Variants in INVS observed in about 807,000 individuals in gnomAD.
The protein encoded by INVS is inversion of embryo turning homolog.
In INVS, 86 loss-of-function variants were observed where a neutral mutation model predicts 108.8. The ratio of observed to expected loss-of-function variants is 0.79; its 90% CI spans 0.66 to 0.95. The LOEUF (loss-of-function observed/expected upper bound fraction) is 0.95, where lower values mean the gene tolerates loss of function less well. Among genes scored for constraint, INVS ranks in the 40% least tolerant of loss-of-function variants. The probability of loss-of-function intolerance (pLI) is 0.00; values close to 1 mark genes in which losing one functional copy is unlikely to be tolerated. For missense variants in INVS, 1,169 were observed against 1,297.4 expected, an observed-to-expected ratio of 0.90 and a Z score of 1.52; for synonymous variants, 455 against 473.5, an observed-to-expected ratio of 0.96 and a Z score of 0.51.
rs1050540680 is a variant in INVS, at chr9:100,272,868, A to G, written c.1576A>G (p.Thr526Ala). Residue 526 changes from threonine (T) to alanine (A), a missense_variant, in exon 12 of 17, where the codon ACA (threonine) becomes GCA (alanine). This residue lies in a region of INVS where 271 missense variants were observed against 363.8 expected (regional missense o/e 0.74). Coordinates refer to ENST00000262457, the MANE Select transcript of INVS (RefSeq NM_014425.5). ...GAAATCTTCCTCCCACTTCAGATAC[A>G]CACCCCTTGATTATGCTTTGCTTGG... The part of the protein sequence containing the change: ...NQMENNEERY[T>A]PLDYALLGER... 1 of 1,613,788 alleles carries G rather than the reference A, an allele frequency of 6.2e-7. No homozygotes were observed. Among genetic ancestry groups the G allele is most frequent in the Non-Finnish European group, 8.5e-7 (1 of 1,179,776 alleles).
At chr9:100,273,438 C>T (rs1335354884) in intron 12 of INVS, among the ~76,000 whole-genome samples, 1 of 151,852 alleles carries the variant, frequency 6.6e-6, no homozygotes, top group Non-Finnish European at 1.5e-5. Flanking sequence ...AAGAAACATG[C>T]CAATATCTAG....
intron 11 of INVS, among the ~76,000 whole-genome samples, chr9:100,269,083 C>A (rs368270279): frequency 6.6e-6 from 1 of 152,116 alleles, no homozygotes; most frequent in South Asian, 2.1e-4. Flanking sequence ...CAGTTTTATT[C>A]TATAGGAAAC....
At chr9:100,276,298 C>G (rs1436003269) in intron 12 of INVS, among the ~76,000 whole-genome samples, 1 of 152,208 alleles carries the variant, frequency 6.6e-6, no homozygotes, top group African/African-American at 2.4e-5. Flanking sequence ...CACTTTAGAT[C>G]ATTGGACGTT....
chr9:100,185,571 C>T (rs1351993912), intron 3 of INVS, among the ~76,000 whole-genome samples: 1 of 122,170 alleles, frequency 8.2e-6, no homozygotes, highest in Non-Finnish European at 1.7e-5. Context: ...ATTTTAGTAG[C>T]TTTTATAGTG....
intron 7 of INVS, among the ~76,000 whole-genome samples, chr9:100,244,574 T>A (rs995519984): frequency 2.0e-5 from 3 of 152,120 alleles, no homozygotes; most frequent in Non-Finnish European, 4.4e-5. Flanking sequence ...AATATAATAA[T>A]ATAATAATTG....
chr9:100,100,771 T>C (rs886397447), intron 1 of INVS, among the ~76,000 whole-genome samples: 1 of 15,414 alleles, frequency 6.5e-5, no homozygotes, highest in Non-Finnish European at 9.9e-5. Context: ...ATAATATATG[T>C]ATATATAATA....
At chr9:100,100,637 ATT>A (rs1491584123) in intron 1 of INVS, among the ~76,000 whole-genome samples, 892 of 67,964 alleles carry the variant, frequency 0.013, 243 homozygotes, top group African/African-American at 0.051. Flanking sequence ...TAATATATAT[ATT>A]ATATATGTAT....
intron 3 of INVS, chr9:100,130,114 T>C (rs1382038993): frequency 1.3e-5 from 2 of 157,324 alleles, no homozygotes; most frequent in Non-Finnish European, 1.4e-5. Context: ...ATATAACACA[T>C]TGATTTTTGT....
At chr9:100,109,927 G>A (rs962368522) in intron 2 of INVS, among the ~76,000 whole-genome samples, 54 of 152,264 alleles carry the variant, frequency 3.5e-4, no homozygotes, top group African/African-American at 8.4e-4. Context: ...TCGGCCTCCC[G>A]AAGTGCTGGG....
At chr9:100,132,687 G>A (rs767351532) in intron 3 of INVS, among the ~76,000 whole-genome samples, 6 of 152,078 alleles carry the variant, frequency 3.9e-5, no homozygotes, top group Non-Finnish European at 7.4e-5. Context: ...ATTTGTCCTT[G>A]GATGAGGAAA....
At chr9:100,185,534 T>TATATAC (rs1830031680) in intron 3 of INVS, among the ~76,000 whole-genome samples, 1 of 100,224 alleles carries the variant, frequency 1.0e-5, no homozygotes, top group African/African-American at 3.3e-5. Flanking sequence ...TATATATATA[T>TATATAC]ATATATATAT....
chr9:100,259,558 T>A (rs1194901669), intron 10 of INVS, among the ~76,000 whole-genome samples: 1 of 34,252 alleles, frequency 2.9e-5, no homozygotes, highest in African/African-American at 1.4e-4. Flanking sequence ...AACTGGGGCC[T>A]TTTTTTTTTT....
At chr9:100,264,337 G>T (rs140581171) in intron 10 of INVS, among the ~76,000 whole-genome samples, 1 of 152,128 alleles carries the variant, frequency 6.6e-6, no homozygotes, top group Non-Finnish European at 1.5e-5. Context: ...GCCTTAATTG[G>T]CCAGGCATGT....
intron 12 of INVS, among the ~76,000 whole-genome samples, chr9:100,275,154 A>G (rs928631543): frequency 3.3e-5 from 5 of 152,196 alleles, no homozygotes; most frequent in Non-Finnish European, 7.3e-5. Context: ...TCCAGTATCA[A>G]CATAAAGCCT....
At chr9:100,281,750 C>T (rs1049211142) in intron 12 of INVS, among the ~76,000 whole-genome samples, 1 of 145,844 alleles carries the variant, frequency 6.9e-6, no homozygotes, top group South Asian at 2.2e-4. Context: ...TGGTATCCCC[C>T]CTCCAAAGCA....
intron 3 of INVS, among the ~76,000 whole-genome samples, chr9:100,178,734 A>G (rs1378127188): frequency 6.6e-6 from 1 of 152,216 alleles, no homozygotes; most frequent in Non-Finnish European, 1.5e-5. Context: ...ATTATCCGGG[A>G]GAACTTTCCC....
At position 100,301,275 on chromosome 9, in the gene INVS, A is replaced by T. The variant is rs552569494; in HGVS notation, c.*601A>T. Among the ~76,000 whole-genome samples, 1 of 151,870 alleles carries T rather than the reference A, an allele frequency of 6.6e-6. No individual in the cohort carries two copies. Among genetic ancestry groups the T allele is most frequent in the Non-Finnish European group, 1.5e-5 (1 of 68,010 alleles). On this transcript the variant is annotated 3_prime_UTR_variant, in exon 17 of 17. Coordinates refer to ENST00000262457, the MANE Select transcript of INVS (RefSeq NM_014425.5). ...TCATTTAGAAATTGTCCAAAAGACC[A>T]TAGATACATTCTGGTGATTCCTTAC...
intron 3 of INVS, among the ~76,000 whole-genome samples, chr9:100,184,782 A>G (rs919333566): frequency 4.6e-5 from 7 of 152,188 alleles, no homozygotes; most frequent in Non-Finnish European, 7.4e-5. Context: ...CAGAGATTCA[A>G]TAAGAGGCCT....
intron 4 of INVS, 41 bp from the exon 5 acceptor site, chr9:100,229,619 G>C: frequency 6.3e-7 from 1 of 1,589,422 alleles, no homozygotes; most frequent in Middle Eastern, 1.8e-4. Flanking sequence ...GGGAAAGTTA[G>C]TTGTTACTGT....
Sources: allele counts gnomAD v4.1 joint callset (sites outside exome capture counted in the v4.1 genomes callset), GRCh38; gene constraint gnomAD v4.1.1; regional missense constraint gnomAD v4.1.1; transcripts MANE v1.5; gene names NCBI Gene and HGNC (gene_info 2026-07-23, HGNC 2026-07-21).